The following CALN1 variants were observed in gnomAD, a reference collection of about 807,000 sequenced individuals.
CALN1 encodes the protein calcium-binding protein 8.
Under a neutral mutation model 30.6 loss-of-function variants are expected in CALN1, and 17 were observed. That is an observed-to-expected ratio of 0.56 (90% CI 0.38 to 0.83). CALN1 has a LOEUF of 0.83. CALN1 is among the 40% of genes least tolerant of loss of function. The pLI is 0.00. For missense variants in CALN1, 291 were observed against 354.9 expected, an observed-to-expected ratio of 0.82 and a Z score of 1.45; for synonymous variants, 156 against 131.4, an observed-to-expected ratio of 1.19 and a Z score of -1.28.
intron 2 of CALN1, among the ~76,000 whole-genome samples, chr7:72,329,567 G>T (rs1015937930): frequency 6.6e-6 from 1 of 152,272 alleles, no homozygotes; most frequent in East Asian, 1.9e-4. Context: ...TTTTGCACTG[G>T]CTGTTCCCAC....
At chr7:71,943,583 G>A (rs914614532) in intron 5 of CALN1, among the ~76,000 whole-genome samples, 6 of 148,074 alleles carry the variant, frequency 4.1e-5, no homozygotes, top group African/African-American at 1.3e-4. Flanking sequence ...TGAGACTACA[G>A]GCATGTGTTA....
intron 3 of CALN1, among the ~76,000 whole-genome samples, chr7:72,167,938 G>A (rs995411541): frequency 1.3e-5 from 2 of 152,144 alleles, no homozygotes; most frequent in African/African-American, 2.4e-5. Flanking sequence ...AGCAGGATAC[G>A]GAAGATAGAA....
chr7:72,039,450 A>G (rs1241947681), intron 4 of CALN1, among the ~76,000 whole-genome samples: 2 of 152,230 alleles, frequency 1.3e-5, no homozygotes, highest in Non-Finnish European at 2.9e-5. Flanking sequence ...ATAAACTCTT[A>G]AGGAATCAAA....
chr7:72,230,204 C>A (rs1379013407), intron 3 of CALN1, among the ~76,000 whole-genome samples: 1 of 151,958 alleles, frequency 6.6e-6, no homozygotes, highest in Non-Finnish European at 1.5e-5. Flanking sequence ...CAGCAAACCA[C>A]CATGGCACAT....
rs900495411 is a variant in CALN1, at chr7:72,371,842, C to T, written c.119+31409G>A. Among the ~76,000 whole-genome samples, 14 of 152,192 alleles carry T rather than the reference C, an allele frequency of 9.2e-5. 1 individual carries two copies. The highest frequency in any genetic ancestry group is 2.1e-4 in the Non-Finnish European group (14 of 68,024). On this transcript the variant is annotated intron_variant, in intron 2 of 6. Transcript: ENST00000395275. ...CCATTTCTGGGTAAGATAAAGTAAGCATGTTCCACCCTTGCTCTCCCCATG... is the reference window on the plus strand; with the variant it reads ...CCATTTCTGGGTAAGATAAAGTAAGTATGTTCCACCCTTGCTCTCCCCATG...
intron 5 of CALN1, among the ~76,000 whole-genome samples, chr7:71,995,143 C>T (rs550370403): frequency 6.6e-5 from 10 of 152,178 alleles, no homozygotes; most frequent in African/African-American, 2.2e-4. Flanking sequence ...TGAGCCACTG[C>T]GCCTGGCGCC....
At chr7:72,326,134 C>T (rs1021862022) in intron 2 of CALN1, among the ~76,000 whole-genome samples, 1 of 152,206 alleles carries the variant, frequency 6.6e-6, no homozygotes, top group African/African-American at 2.4e-5. Context: ...AACTCCTGGC[C>T]TCCCGAGGTC....
chr7:71,994,895 C>A (rs905735084), intron 5 of CALN1, among the ~76,000 whole-genome samples: 2 of 150,818 alleles, frequency 1.3e-5, no homozygotes, highest in African/African-American at 2.5e-5. Context: ...CTCTGTCCCC[C>A]AGGCTGGAGT....
intron 2 of CALN1, among the ~76,000 whole-genome samples, chr7:72,380,250 A>C (rs541319130): frequency 7.0e-4 from 107 of 152,340 alleles, no homozygotes; most frequent in African/African-American, 2.2e-3. Context: ...TGAAAATGAA[A>C]GAGTAAACAT....
chr7:71,957,559 C>T (rs914301691), intron 5 of CALN1, among the ~76,000 whole-genome samples: 3 of 152,160 alleles, frequency 2.0e-5, no homozygotes, highest in Non-Finnish European at 4.4e-5. Flanking sequence ...ACCTAAAATG[C>T]CTTCCTCAAC....
At chr7:72,081,268 T>C (rs577465815) in intron 4 of CALN1, among the ~76,000 whole-genome samples, 3 of 152,128 alleles carry the variant, frequency 2.0e-5, no homozygotes, top group Non-Finnish European at 4.4e-5. Flanking sequence ...CAGAAACTTC[T>C]AGAAAACATG....
At chr7:72,068,792 G>A (rs1168838867) in intron 4 of CALN1, among the ~76,000 whole-genome samples, 1 of 151,974 alleles carries the variant, frequency 6.6e-6, no homozygotes, top group Non-Finnish European at 1.5e-5. Context: ...CACTGGGCCG[G>A]GCCTCATTTT....
the CALN1 span, among the ~76,000 whole-genome samples, chr7:72,493,525 A>C: frequency 0.21 from 31,818 of 151,912 alleles, 3,526 homozygotes; most frequent in East Asian, 0.35. Flanking sequence ...TTTTAGTAGA[A>C]ACAGGGCTTC....
At chr7:72,312,455 A>AC (rs1164975325) in intron 2 of CALN1, among the ~76,000 whole-genome samples, 5 of 151,194 alleles carry the variant, frequency 3.3e-5, no homozygotes, top group African/African-American at 1.2e-4. Context: ...TTTGTTGTTC[A>AC]CCCCATGTTA....
chr7:72,454,258 G>A, the CALN1 span, among the ~76,000 whole-genome samples: 3 of 152,202 alleles, frequency 2.0e-5, no homozygotes, highest in Non-Finnish European at 4.4e-5. Context: ...GCCTGGAGAA[G>A]CTGCCCTAGG....
intron 5 of CALN1, among the ~76,000 whole-genome samples, chr7:71,973,987 T>A (rs1327717390): frequency 6.6e-6 from 1 of 152,192 alleles, no homozygotes; most frequent in Admixed American, 6.5e-5. Flanking sequence ...GCCCCATTTC[T>A]TCAAAATGTC....
chr7:72,406,637 G>A (rs1437077092), intron 1 of CALN1, among the ~76,000 whole-genome samples: 2 of 42,920 alleles, frequency 4.7e-5, no homozygotes, highest in Non-Finnish European at 3.7e-5. Context: ...TCTTTTTTAA[G>A]ACGGAGTCTT....
At chr7:71,809,378 C>T (rs1420842937) in intron 6 of CALN1, among the ~76,000 whole-genome samples, 1 of 140,172 alleles carries the variant, frequency 7.1e-6, no homozygotes, top group Non-Finnish European at 1.5e-5. Flanking sequence ...CTAAGGGAGA[C>T]AGCTACAAGA....
intron 5 of CALN1, among the ~76,000 whole-genome samples, chr7:71,974,449 A>AG (rs1562948907): frequency 1.3e-5 from 2 of 150,658 alleles, no homozygotes; most frequent in African/African-American, 2.4e-5. Context: ...AAAAGGAAAA[A>AG]GAAAAAGAAA....
Sources: allele counts gnomAD v4.1 joint callset (sites outside exome capture counted in the v4.1 genomes callset), GRCh38; gene constraint gnomAD v4.1.1; transcripts MANE v1.5; gene names NCBI Gene and HGNC (gene_info 2026-07-23, HGNC 2026-07-21).